TM6SF2: variants seen among roughly 807,000 people sequenced by gnomAD.
TM6SF2 encodes the protein transmembrane 6 superfamily member 2.
A neutral mutation model predicts 41.0 loss-of-function variants in TM6SF2; 29 were observed. The ratio of observed to expected loss-of-function variants is 0.71; its 90% CI spans 0.53 to 0.96. The LOEUF is 0.96. Ranked by LOEUF, TM6SF2 falls within the 50% of genes least tolerant of loss-of-function variation. TM6SF2 has a pLI of 0.00. For synonymous variants in TM6SF2, 200 were observed against 209.1 expected (o/e 0.96, Z 0.37); for missense variants, 475 against 499.0 (o/e 0.95, Z 0.46).
In TM6SF2 at chr19:19,273,120, C is replaced by G; in HGVS notation, c.95+1G>C. 6.7e-7 allele frequency: 1 copy of G among 1,487,644 alleles called. No individual in the cohort carries two copies. Among genetic ancestry groups the G allele is most frequent in the Non-Finnish European group, 8.9e-7 (1 of 1,124,810 alleles). 92.2% of individuals were successfully genotyped at this position (1,487,644 alleles called of 1,614,324 possible). A position where few individuals can be genotyped will look rare whatever the true frequency, so the allele number is the denominator to read the frequency against. ...CCGCCCTGGCCCCTCTCCGCACGCA[C>G]TGCGAGAGCGCCGAGACGTGGTTGA... On this transcript the variant is annotated splice_donor_variant, in intron 1 of 9. Transcript: ENST00000389363. LOFTEE classifies it high-confidence loss of function.
At chr19:19,272,692 GGTGTGTGTGTGT>G (rs55690765) in intron 1 of TM6SF2, among the ~76,000 whole-genome samples, 3 of 136,750 alleles carry the variant, frequency 2.2e-5, no homozygotes, top group Admixed American at 7.4e-5. Flanking sequence ...AATGGAGTAG[GGTGTGTGTGTGT>G]GTGTGTGTGT....
chr19:19,268,103 G>GTTGTGCTTCTGGCACCTGCTTC lies in TM6SF2; in HGVS notation c.610-17_610-16insGAAGCAGGTGCCAGAAGCACAA. On this transcript the variant is annotated splice_polypyrimidine_tract_variant and intron_variant, in intron 6 of 9. Coordinates refer to ENST00000389363, the MANE Select transcript of TM6SF2 (RefSeq NM_001001524.3). ...CCTCTTGCACCTGGCCCAGGGGAGA[G>GTTGTGCTTCTGGCACCTGCTTC]AAACAGACAGCATGAGAGGTAGTCA... is the stretch of plus-strand genomic sequence containing the variant. The GTTGTGCTTCTGGCACCTGCTTC allele has an allele frequency of 6.3e-7, 1 of 1,591,688 alleles. No individual in the cohort carries two copies.
At chr19:19,268,144 T>C in intron 6 of TM6SF2, 57 bp from the exon 7 acceptor site, 1 of 1,244,610 alleles carries the variant, frequency 8.0e-7, no homozygotes, top group South Asian at 1.3e-5. Flanking sequence ...AAGTATTCAG[T>C]AGGTACTCAA....
In TM6SF2 at chr19:19,266,411, G is replaced by A; in HGVS notation, c.924+79C>T. 12 of 1,575,690 alleles carry A rather than the reference G, an allele frequency of 7.6e-6. No homozygotes were observed. The South Asian group carries it at 1.3e-4, about 17-fold the overall frequency. Reference sequence around the variant, plus strand: ...TGGGGGCTCATCATTACAGTGCCCAGGGAGGACACCAAAGGCATTGATGAG... The same window carrying A: ...TGGGGGCTCATCATTACAGTGCCCAAGGAGGACACCAAAGGCATTGATGAG... On this transcript the variant is annotated intron_variant, in intron 9 of 9. Coordinates refer to ENST00000389363, the MANE Select transcript of TM6SF2 (RefSeq NM_001001524.3).
chr19:19,266,475 C>T lies in TM6SF2; in HGVS notation c.924+15G>A. 6.2e-7 allele frequency: 1 copy of T among 1,613,274 alleles called. No individual in the cohort carries two copies. Among genetic ancestry groups the T allele is most frequent in the Non-Finnish European group, 8.5e-7 (1 of 1,179,544 alleles). On this transcript the variant is annotated intron_variant, in intron 9 of 9. Transcript: ENST00000389363. ...CCTCCCACATGCCTGCTCACCCACC[C>T]ATCCGCCACCTCACCTGGCCGATGC...
rs1795444871 is a variant in TM6SF2, at chr19:19,264,851, G to A, written c.947C>T (p.Ala316Val). The A allele has an allele frequency of 7.6e-6, 12 of 1,579,762 alleles. No homozygotes were observed. Among genetic ancestry groups the A allele is most frequent in the East Asian group, 2.4e-5 (1 of 41,804 alleles). The change falls in exon 10 of 10, where the codon GCT (alanine) becomes GTT (valine). Residue 316 changes from alanine (A) to valine (V), a missense_variant. By Grantham distance (64) the Ala-to-Val change is moderately conservative. Around this residue, in one of 3 missense-constraint regions of TM6SF2, gnomAD observed 190 missense variants for 190.2 expected, o/e 1.00. Transcript: ENST00000389363. Reference protein sequence around the residue: ...IGQAQFSHMGASMHLRTPFTY... With the variant: ...IGQAQFSHMGVSMHLRTPFTY... Reference sequence around the variant, plus strand: ...GAAGGGTGTGCGCAGGTGCATGGAAGCCCCCATGTGCGAGAACTGTGCCTG... The same window carrying A: ...GAAGGGTGTGCGCAGGTGCATGGAAACCCCCATGTGCGAGAACTGTGCCTG...
In TM6SF2 at chr19:19,270,460, G is replaced by A. The variant is rs1229051264; in HGVS notation, c.200-18C>T. 6.3e-7 allele frequency: 1 copy of A among 1,597,864 alleles called. No individual in the cohort carries two copies. The highest frequency in any genetic ancestry group is 2.3e-5 in the East Asian group (1 of 43,872). On this transcript the variant is annotated intron_variant, in intron 2 of 9. Transcript: ENST00000389363. ...AGCGAAGACTGCAGTGAGTGGGCGG[G>A]CCGGGTCAGGTGTGGGAGGGGACAC... is the stretch of plus-strand genomic sequence containing the variant.
At position 19,266,599 on chromosome 19, in the gene TM6SF2, T is replaced by C; in HGVS notation, c.815A>G (p.Tyr272Cys). 1.2e-6 allele frequency: 2 copies of C among 1,613,314 alleles called. No homozygotes were observed. The highest frequency in any genetic ancestry group is 1.7e-6 in the Non-Finnish European group (2 of 1,179,530). The part of the protein sequence containing the change: ...VAYPKVQMLM[Y>C]MFYVLPFCGL... The stretch of plus-strand genomic sequence containing the variant: ...GCAGAAAGGCAGGACATAAAACATG[T>C]ACATCAGCATCTGCAGGGGCGGGAG... Residue 272 changes from tyrosine to cysteine, a missense_variant, in exon 9 of 10, where the codon TAC (tyrosine) becomes TGC (cysteine). Around this residue, in one of 3 missense-constraint regions of TM6SF2, gnomAD observed 190 missense variants for 190.2 expected, o/e 1.00. Coordinates refer to ENST00000389363, the MANE Select transcript of TM6SF2 (RefSeq NM_001001524.3).
At chr19:19,269,975 G>A (rs1227244975) in intron 4 of TM6SF2, 198 bp downstream of exon 4, 20 of 1,482,774 alleles carry the variant, frequency 1.3e-5, no homozygotes, top group Non-Finnish European at 1.8e-5. Context: ...GCACAGGGTG[G>A]ATGTAAGCAA....
chr19:19,271,244 T>C, intron 1 of TM6SF2, 119 bp from the exon 2 acceptor site: 1 of 775,474 alleles, frequency 1.3e-6, no homozygotes, highest in Non-Finnish European at 2.3e-6. Flanking sequence ...CTAAAGTGTC[T>C]GTTCATCCAT....
Position 19,270,335 on chromosome 19 carries a change from C to G in TM6SF2, c.297+10G>C. 6.2e-7 allele frequency: 1 copy of G among 1,614,026 alleles called. No homozygotes were observed. Among genetic ancestry groups the G allele is most frequent in the East Asian group, 2.2e-5 (1 of 44,804 alleles). On this transcript the variant is annotated intron_variant, in intron 3 of 9. Transcript: ENST00000389363. ...TGCGGTAGGGGGCTCCCTGGTCGTC[C>G]CCCAAGTACCTCCTTGGTGTAGAAC...
intron 5 of TM6SF2, among the ~76,000 whole-genome samples, chr19:19,269,181 A>G (rs2061014147): frequency 6.6e-6 from 1 of 152,074 alleles, no homozygotes; most frequent in Non-Finnish European, 1.5e-5. Context: ...ACCACCTTCC[A>G]TGGCTCCCTA....
Position 19,267,667 on chromosome 19 carries a change from T to A in TM6SF2, c.758A>T (p.Gln253Leu), listed in dbSNP as rs775934456. 5 of 1,613,840 alleles carry A rather than the reference T, an allele frequency of 3.1e-6. No homozygotes were observed. The South Asian group carries it at 4.4e-5, about 14-fold the overall frequency. ...AGGGTCCCGCAGGTATGGCTCATACTGGTAGATATAGACAAAGCAGGCATC... is the reference window on the plus strand; with the variant it reads ...AGGGTCCCGCAGGTATGGCTCATACAGGTAGATATAGACAAAGCAGGCATC... ...PTDACFVYIY[Q>L]YEPYLRDPVA... The change falls in exon 8 of 10, where the codon CAG becomes CTG. Residue 253 changes from glutamine to leucine, a missense_variant. By Grantham distance (113) the Gln-to-Leu change is moderately radical (BLOSUM62 -2). Coordinates refer to ENST00000389363, the MANE Select transcript of TM6SF2 (RefSeq NM_001001524.3).
In TM6SF2 at chr19:19,270,451, A is replaced by AG; in HGVS notation, c.200-10dup. 4 of 1,548,948 alleles carry AG rather than the reference A, an allele frequency of 2.6e-6. No individual in the cohort carries two copies. The highest frequency in any genetic ancestry group is 1.7e-6 in the Non-Finnish European group (2 of 1,145,502). On this transcript the variant is annotated splice_polypyrimidine_tract_variant and intron_variant, in intron 2 of 9. Transcript: ENST00000389363. ...GGCGAAGACAGCGAAGACTGCAGTG[A>AG]GTGGGCGGGCCGGGTCAGGTGTGGG...
Position 19,266,397 on chromosome 19 carries a change from C to G in TM6SF2, c.924+93G>C, listed in dbSNP as rs971982192. 7.7e-5 allele frequency: 119 copies of G among 1,545,854 alleles called. No homozygotes were observed. In the African/African-American group the frequency reaches 1.1e-3, roughly 14 times the overall value. On this transcript the variant is annotated intron_variant, in intron 9 of 9. Coordinates refer to ENST00000389363, the MANE Select transcript of TM6SF2 (RefSeq NM_001001524.3). The stretch of plus-strand genomic sequence containing the variant: ...GGGCTGGGGCCTCTTGGGGGCTCAT[C>G]ATTACAGTGCCCAGGGAGGACACCA...
chr19:19,272,726 T>A (rs1032850151), intron 1 of TM6SF2, among the ~76,000 whole-genome samples: 14 of 146,820 alleles, frequency 9.5e-5, no homozygotes, highest in South Asian at 6.5e-4. Flanking sequence ...TGTGTGTGTG[T>A]GTGAGCAGGA....
At position 19,270,230 on chromosome 19, in the gene TM6SF2, C is replaced by A; in HGVS notation, c.344G>T (p.Trp115Leu). The A allele has an allele frequency of 6.2e-7, 1 of 1,614,162 alleles. No homozygotes were observed. Among genetic ancestry groups the A allele is most frequent in the East Asian group, 2.2e-5 (1 of 44,882 alleles). The change falls in exon 4 of 10, where the codon TGG (tryptophan) becomes TTG (leucine). Residue 115 changes from tryptophan (W) to leucine (L), a missense_variant. By Grantham distance (61) the Trp-to-Leu change is moderately conservative. Transcript: ENST00000389363. ...RTAHGVFICY[W>L]DGTVHYLLYL... ...GAGGAGGTAGTGAACAGTGCCATCC[C>A]AGTAGCAGATGAAGACTCCGTGCGC...
At chr19:19,266,223 C>T (rs1311364650) in intron 9 of TM6SF2, among the ~76,000 whole-genome samples, 5 of 152,188 alleles carry the variant, frequency 3.3e-5, no homozygotes, top group Non-Finnish European at 5.9e-5. Flanking sequence ...CATCCTCGTA[C>T]ATCAAAGCCT....
At chr19:19,272,399 A>G (rs1020091319) in intron 1 of TM6SF2, among the ~76,000 whole-genome samples, 16 of 152,236 alleles carry the variant, frequency 1.1e-4, no homozygotes, top group South Asian at 2.1e-4. Context: ...TGAGGCTCCC[A>G]GAGGAACTTG....
Sources: gnomAD v4.1 joint callset for allele counts (sites outside exome capture counted in the v4.1 genomes callset) on GRCh38, gnomAD v4.1.1 for gene constraint, gnomAD v4.1.1 regional missense constraint, MANE v1.5 for transcripts, NCBI Gene and HGNC (gene_info 2026-07-23, HGNC 2026-07-21) for gene names.